Variants in PCDHA4 observed in about 807,000 individuals in gnomAD.
PCDHA4 encodes protocadherin alpha-4.
In PCDHA4, 49 loss-of-function variants were observed where a neutral mutation model predicts 61.4. That is an observed-to-expected ratio of 0.80 (90% CI 0.63 to 1.01). The LOEUF is 1.01. Ranked by LOEUF, PCDHA4 falls within the 50% of genes least tolerant of loss-of-function variation. PCDHA4 has a pLI of 0.00. For missense variants in PCDHA4, 1,254 were observed against 1,235.8 expected (o/e 1.01, Z -0.22); for synonymous variants, 590 against 550.3 (o/e 1.07, Z -1.01).
intron 1 of PCDHA4, chr5:140,968,827 C>T (rs1398985109): frequency 1.2e-6 from 2 of 1,614,094 alleles, no homozygotes; most frequent in Non-Finnish European, 1.7e-6. Context: ...TTTCCAAAAT[C>T]CTCCCTGACA....
At chr5:140,969,670 T>C (rs1481481821) in intron 1 of PCDHA4, among the ~76,000 whole-genome samples, 1 of 152,192 alleles carries the variant, frequency 6.6e-6, no homozygotes, top group African/African-American at 2.4e-5. Context: ...AGTAATGTTA[T>C]GAGACTCAAG....
At chr5:140,917,340 T>TGGGGG (rs2078149834) in intron 1 of PCDHA4, among the ~76,000 whole-genome samples, 2 of 133,058 alleles carry the variant, frequency 1.5e-5, no homozygotes, top group African/African-American at 2.7e-5. Flanking sequence ...AGGGGGGGGA[T>TGGGGG]GGTGTAGGCT....
At chr5:140,837,576 C>G (rs568317651) in intron 1 of PCDHA4, among the ~76,000 whole-genome samples, 3 of 151,836 alleles carry the variant, frequency 2.0e-5, no homozygotes, top group Non-Finnish European at 4.4e-5. Context: ...TTACAATCAC[C>G]AAATTGTAAA....
rs2150225607 is a variant in PCDHA4 at position 140,834,757 on chromosome 5, A to T, written c.2385+25185A>T. 6 of 1,614,016 alleles carry T rather than the reference A, an allele frequency of 3.7e-6. No individual in the cohort carries two copies. The African/African-American group carries it at 6.7e-5, about 18-fold the overall frequency. On this transcript the variant is annotated intron_variant, in intron 1 of 3. Coordinates refer to ENST00000530339, the MANE Select transcript of PCDHA4 (RefSeq NM_018907.4). ...TTCCATGTGGACGTGGAGGTGAAGG[A>T]CATTAACGACAACCCTCCGGTGTTC...
At chr5:140,978,907 G>A (rs782602741) in intron 1 of PCDHA4, 42 bp from the exon 2 acceptor site, 3 of 1,613,766 alleles carry the variant, frequency 1.9e-6, no homozygotes, top group South Asian at 2.2e-5. Context: ...GGAGAACATT[G>A]TCTTGTCATT....
intron 3 of PCDHA4, among the ~76,000 whole-genome samples, chr5:141,000,895 T>C (rs896500322): frequency 5.3e-5 from 8 of 152,072 alleles, no homozygotes; most frequent in Non-Finnish European, 1.2e-4. Context: ...GCAACAGATA[T>C]AGACGCTGTC....
rs151053430 is a variant in PCDHA4 at position 140,849,630 on chromosome 5, G to T, written c.2385+40058G>T. Reference sequence around the variant, plus strand: ...CCTGATTAGTGTGATCGACCTAGACGCAGATGCCAACGGGCAGGTTACCTG... The same window carrying T: ...CCTGATTAGTGTGATCGACCTAGACTCAGATGCCAACGGGCAGGTTACCTG... On this transcript the variant is annotated intron_variant, in intron 1 of 3. Transcript: ENST00000530339. 6.9e-4 allele frequency: 1,103 copies of T among 1,598,686 alleles called. 107 individuals are homozygous for T. Among genetic ancestry groups the T allele is most frequent in the South Asian group, 1.2e-3 (106 of 90,556 alleles).
intron 1 of PCDHA4, among the ~76,000 whole-genome samples, chr5:140,838,075 A>AGTGTG (rs781914509): frequency 3.7e-4 from 47 of 128,236 alleles, no homozygotes; most frequent in East Asian, 1.2e-3. Context: ...TTATATATAT[A>AGTGTG]TAGTGTGTGT....
intron 1 of PCDHA4, among the ~76,000 whole-genome samples, chr5:140,905,419 C>T (rs2071826794): frequency 6.6e-6 from 1 of 152,158 alleles, no homozygotes; most frequent in South Asian, 2.1e-4. Flanking sequence ...CAGTACCATG[C>T]TGGTTTGATA....
At chr5:140,875,654 C>G in intron 1 of PCDHA4, 2 of 1,613,702 alleles carry the variant, frequency 1.2e-6, no homozygotes, top group Non-Finnish European at 8.5e-7. Flanking sequence ...GAGCTGGTGC[C>G]GCGCCTGTTC....
chr5:140,830,459 G>T (rs1554132838), intron 1 of PCDHA4: 6 of 1,580,018 alleles, frequency 3.8e-6, no homozygotes, highest in Non-Finnish European at 5.2e-6. Flanking sequence ...GGAGAATCAG[G>T]ATTTAAATGA....
chr5:140,972,479 C>G (rs782631191), intron 1 of PCDHA4, among the ~76,000 whole-genome samples: 1 of 151,994 alleles, frequency 6.6e-6, no homozygotes, highest in Non-Finnish European at 1.5e-5. Flanking sequence ...CAGCATTTAA[C>G]CCCAGACTCT....
At chr5:140,928,309 G>A (rs1554205732) in intron 1 of PCDHA4, 1 of 1,614,122 alleles carries the variant, frequency 6.2e-7, no homozygotes, top group Non-Finnish European at 8.5e-7. Context: ...CCAGGACCCC[G>A]ACCTGGGGAA....
At chr5:140,869,242 C>T (rs781799282) in intron 1 of PCDHA4, 1 of 1,613,610 alleles carries the variant, frequency 6.2e-7, no homozygotes, top group East Asian at 2.2e-5. Context: ...CTTCGTGGGC[C>T]GCATCGCGCA....
chr5:140,808,660 C>T lies in PCDHA4; in HGVS notation c.1473C>T (p.Ser491=). The change falls in exon 1 of 4, where the codon TCC becomes TCT. Residue 491 remains serine (S), a synonymous_variant. Coordinates refer to ENST00000530339, the MANE Select transcript of PCDHA4 (RefSeq NM_018907.4). ...ACGCGCAGGAGAACGCGCTGGTGTC[C>T]TACTCGCTGGTAGAGCGGCGGGTAG... ...DADAQENALV[S]YSLVERRVGE... 2.5e-6 allele frequency: 4 copies of T among 1,613,110 alleles called. No individual in the cohort carries two copies. The highest frequency in any genetic ancestry group is 3.4e-6 in the Non-Finnish European group (4 of 1,179,870).
Position 140,807,803 on chromosome 5 carries a change from C to T in PCDHA4, c.616C>T (p.Pro206Ser), listed in dbSNP as rs1554124282. The change falls in exon 1 of 4, where the codon CCG (proline) becomes TCG (serine). Residue 206 changes from proline (P) to serine (S), a missense_variant. Pro to Ser is a moderately conservative substitution (Grantham distance 74). Coordinates refer to ENST00000530339, the MANE Select transcript of PCDHA4 (RefSeq NM_018907.4). ...LRKSLDREEAPEIFLVLTATD... is the reference protein window; with the variant it reads ...LRKSLDREEASEIFLVLTATD... ...GAAATCTTTAGACAGAGAAGAAGCTCCGGAGATTTTTTTAGTGCTCACAGC... is the reference window on the plus strand; with the variant it reads ...GAAATCTTTAGACAGAGAAGAAGCTTCGGAGATTTTTTTAGTGCTCACAGC... 6.2e-7 allele frequency: 1 copy of T among 1,614,124 alleles called. No homozygotes were observed. Among genetic ancestry groups the T allele is most frequent in the East Asian group, 2.2e-5 (1 of 44,880 alleles).
intron 1 of PCDHA4, chr5:140,859,106 A>G (rs2045724264): frequency 6.7e-6 from 1 of 150,166 alleles, no homozygotes; most frequent in African/African-American, 2.4e-5. Context: ...CACTTAGCAG[A>G]AGAAAATGTA....
chr5:140,858,857 T>C, intron 1 of PCDHA4: 1 of 267,758 alleles, frequency 3.7e-6, no homozygotes, highest in South Asian at 4.6e-5. Flanking sequence ...CTATATCTCT[T>C]CAGTGAAAAT....
Position 140,808,573 on chromosome 5 carries a change from G to A in PCDHA4, c.1386G>A (p.Val462=), listed in dbSNP as rs782400462. Residue 462 remains valine (V), a synonymous_variant, in exon 1 of 4, where the codon GTG becomes GTA. Coordinates refer to ENST00000530339, the MANE Select transcript of PCDHA4 (RefSeq NM_018907.4). ...APAFAQPEYT[V]FVKENNPPGC... is the part of the protein sequence containing the mutation. ...CGTTCGCGCAGCCCGAGTACACAGT[G>A]TTCGTGAAGGAGAACAACCCGCCGG... 2.5e-6 allele frequency: 4 copies of A among 1,613,964 alleles called. No individual in the cohort carries two copies. The highest frequency in any genetic ancestry group is 2.2e-5 in the South Asian group (2 of 91,086).
Sources: gnomAD v4.1 joint callset for allele counts (sites outside exome capture counted in the v4.1 genomes callset) on GRCh38, gnomAD v4.1.1 for gene constraint, MANE v1.5 for transcripts, NCBI Gene and HGNC (gene_info 2026-07-23, HGNC 2026-07-21) for gene names.